The following NT5DC1 variants were observed in gnomAD, a reference collection of about 807,000 sequenced individuals.
NT5DC1 encodes 5'-nucleotidase domain-containing protein 1.
In NT5DC1, 42 loss-of-function variants were observed where a neutral mutation model predicts 59.4. The observed-to-expected ratio is 0.71, with a 90% CI of 0.55 to 0.92. The LOEUF (loss-of-function observed/expected upper bound fraction) is 0.92, where lower values mean the gene tolerates loss of function less well. Among genes scored for constraint, NT5DC1 ranks in the 40% least tolerant of loss-of-function variants. The pLI is 0.00. For synonymous variants in NT5DC1, 172 were observed against 188.1 expected, an observed-to-expected ratio of 0.91 and a Z score of 0.70; for missense variants, 501 against 537.1, an observed-to-expected ratio of 0.93 and a Z score of 0.66.
chr6:116,240,804 G>A (rs1255165733), intron 11 of NT5DC1, among the ~76,000 whole-genome samples: 1 of 152,158 alleles, frequency 6.6e-6, no homozygotes, highest in East Asian at 1.9e-4. Context: ...AAAATGATGT[G>A]AATCTTGATG....
At chr6:116,136,328 C>CT (rs1399491372) in intron 6 of NT5DC1, among the ~76,000 whole-genome samples, 2 of 148,594 alleles carry the variant, frequency 1.3e-5, no homozygotes, top group African/African-American at 4.9e-5. Flanking sequence ...AATATGCACA[C>CT]TTTTTTTTTT....
chr6:116,122,792 TAGGAAAATAATTGTTTCAGA>T lies in NT5DC1; in HGVS notation c.529+4848_529+4867del, dbSNP rs1230036598. 3.9e-5 allele frequency among the ~76,000 whole-genome samples: 6 copies of T among 152,144 alleles called. No homozygotes were observed. In the East Asian group the frequency reaches 1.2e-3, roughly 29 times the overall value. On this transcript the variant is annotated intron_variant, in intron 6 of 11. Coordinates refer to ENST00000319550, the MANE Select transcript of NT5DC1 (RefSeq NM_152729.3). The stretch of plus-strand genomic sequence containing the variant: ...AATCATTAAAATAGATATGCCGAAA[TAGGAAAATAATTGTTTCAGA>T]TTTAGATTTTTTTTTACTAATTAGA...
chr6:116,239,657 C>T (rs1179490063), intron 11 of NT5DC1, among the ~76,000 whole-genome samples: 1 of 152,178 alleles, frequency 6.6e-6, no homozygotes, highest in Non-Finnish European at 1.5e-5. Context: ...TTGAAATCAG[C>T]TAAATACCTA....
intron 6 of NT5DC1, among the ~76,000 whole-genome samples, chr6:116,166,705 T>C (rs1780478331): frequency 6.6e-6 from 1 of 152,222 alleles, no homozygotes; most frequent in Non-Finnish European, 1.5e-5. Flanking sequence ...GTTATTTATC[T>C]AAATCCATGA....
chr6:116,169,078 G>A (rs533356298), intron 6 of NT5DC1, among the ~76,000 whole-genome samples: 15 of 152,274 alleles, frequency 9.9e-5, no homozygotes, highest in Non-Finnish European at 2.2e-4. Context: ...TGAAGATTGC[G>A]ACTTCTTAGG....
intron 6 of NT5DC1, among the ~76,000 whole-genome samples, chr6:116,193,376 A>C (rs1781161053): frequency 6.6e-6 from 1 of 152,100 alleles, no homozygotes; most frequent in African/African-American, 2.4e-5. Context: ...GTGTGTTAGA[A>C]AGCTGTGGTG....
At chr6:116,182,338 G>T (rs1012347957) in intron 6 of NT5DC1, among the ~76,000 whole-genome samples, 1 of 151,808 alleles carries the variant, frequency 6.6e-6, no homozygotes, top group Non-Finnish European at 1.5e-5. Flanking sequence ...AAATTGTGCT[G>T]CTATAAATGT....
chr6:116,201,452 G>A (rs742930), intron 6 of NT5DC1, among the ~76,000 whole-genome samples: 64,614 of 151,822 alleles, frequency 0.43, 17,712 homozygotes, highest in African/African-American at 0.78. Flanking sequence ...TCCGTTGGTG[G>A]AGAAGAATTG....
chr6:116,182,233 G>GTGTGTGTGTA (rs1562154214), intron 6 of NT5DC1, among the ~76,000 whole-genome samples: 1 of 151,510 alleles, frequency 6.6e-6, no homozygotes, highest in African/African-American at 2.4e-5. Context: ...GTGTGTGTGT[G>GTGTGTGTGTA]TGTGTGTGTG....
chr6:116,224,892 G>A (rs1267730559), intron 8 of NT5DC1, among the ~76,000 whole-genome samples: 1 of 152,184 alleles, frequency 6.6e-6, no homozygotes, highest in Non-Finnish European at 1.5e-5. Flanking sequence ...AGAAGACCTG[G>A]CAACTGCAGC....
chr6:116,115,651 C>A, intron 4 of NT5DC1, 40 bp from the exon 5 acceptor site: 1 of 953,480 alleles, frequency 1.0e-6, no homozygotes, highest in Non-Finnish European at 1.7e-6. Context: ...ATGCATGCAG[C>A]ATTATGTTGT....
intron 6 of NT5DC1, among the ~76,000 whole-genome samples, chr6:116,197,905 G>A (rs1397729795): frequency 6.6e-6 from 1 of 151,994 alleles, no homozygotes; most frequent in Admixed American, 6.6e-5. Flanking sequence ...TACTTCATTA[G>A]GAGCTCCACA....
intron 6 of NT5DC1, among the ~76,000 whole-genome samples, chr6:116,165,601 G>A (rs1437473275): frequency 6.6e-6 from 1 of 152,202 alleles, no homozygotes; most frequent in East Asian, 1.9e-4. Context: ...ATCCACAACA[G>A]TGGACTGAGG....
At position 116,239,025 on chromosome 6, in the gene NT5DC1, G is replaced by T; in HGVS notation, c.1154G>T (p.Gly385Val). The change falls in exon 11 of 12, where the codon GGA (glycine) becomes GTA (valine). Residue 385 changes from glycine (G) to valine (V), a missense_variant. Transcript: ENST00000319550. Reference sequence around the variant, plus strand: ...TCTTTTTTTATTGATTCAGTTTTGGGACTGGAAAATACAGAAGACTCCTTG... The same window carrying T: ...TCTTTTTTTATTGATTCAGTTTTGGTACTGGAAAATACAGAAGACTCCTTG... The part of the protein sequence containing the change: ...WGSFFIDSVL[G>V]LENTEDSLVY... 6.2e-7 allele frequency: 1 copy of T among 1,608,138 alleles called. No homozygotes were observed. Among genetic ancestry groups the T allele is most frequent in the South Asian group, 1.1e-5 (1 of 90,940 alleles).
intron 6 of NT5DC1, among the ~76,000 whole-genome samples, chr6:116,133,935 C>T (rs1403127722): frequency 6.6e-6 from 1 of 151,882 alleles, no homozygotes; most frequent in African/African-American, 2.4e-5. Context: ...GTTTTTTTCC[C>T]CCAGTGATCT....
intron 6 of NT5DC1, among the ~76,000 whole-genome samples, chr6:116,168,933 C>T (rs894220849): frequency 8.5e-5 from 13 of 152,132 alleles, no homozygotes; most frequent in Non-Finnish European, 1.5e-4. Context: ...ATATCTGGTT[C>T]GTACTTCTTT....
chr6:116,174,003 C>T (rs929358363), intron 6 of NT5DC1, among the ~76,000 whole-genome samples: 4 of 152,156 alleles, frequency 2.6e-5, no homozygotes, highest in Admixed American at 6.5e-5. Flanking sequence ...GTGCTAGCCA[C>T]GTATTTTATA....
chr6:116,125,402 T>C, intron 6 of NT5DC1: 1 of 1,613,972 alleles, frequency 6.2e-7, no homozygotes. Flanking sequence ...GGGCCTTTTA[T>C]GCCTGTGGGC....
At position 116,212,514 on chromosome 6, in the gene NT5DC1, T is replaced by C. The variant is rs1781600585; in HGVS notation, c.530-8540T>C. Among the ~76,000 whole-genome samples the C allele has an allele frequency of 4.6e-5, 7 of 152,234 alleles. 1 individual carries two copies. In the South Asian group the frequency reaches 1.4e-3, roughly 32 times the overall value. On this transcript the variant is annotated intron_variant, in intron 6 of 11. Coordinates refer to ENST00000319550, the MANE Select transcript of NT5DC1 (RefSeq NM_152729.3). Reference sequence around the variant, plus strand: ...AAGTGAAATACAACTCTGCATACTTTTGGCTTTATTAGTAAGAAAAGATAT... The same window carrying C: ...AAGTGAAATACAACTCTGCATACTTCTGGCTTTATTAGTAAGAAAAGATAT...
Sources: gnomAD v4.1 joint callset for allele counts (sites outside exome capture counted in the v4.1 genomes callset) on GRCh38, gnomAD v4.1.1 for gene constraint, MANE v1.5 for transcripts, NCBI Gene and HGNC (gene_info 2026-07-23, HGNC 2026-07-21) for gene names.